Variants in MID1 observed in about 807,000 individuals in gnomAD.
MID1 encodes midline 1, also known as E3 ubiquitin-protein ligase Midline-1.
Under a neutral mutation model 40.4 loss-of-function variants are expected in MID1, and 7 were observed. The observed-to-expected ratio is 0.17, with a 90% CI of 0.10 to 0.33. MID1 has a LOEUF of 0.33. MID1 is among the 10% of genes least tolerant of loss of function. The pLI is 1.00. For missense variants in MID1, 367 were observed against 558.5 expected (o/e 0.66, Z 3.46); for synonymous variants, 229 against 221.2 (o/e 1.04, Z -0.31).
chrX:10,663,996 TG>T (rs199919187), intron 1 of MID1, among the ~76,000 whole-genome samples: 1,959 of 111,276 alleles, frequency 0.018, 41 homozygotes, highest in African/African-American at 0.061. Context: ...GAAATATGAA[TG>T]GACATTTATG....
At chrX:10,497,361 G>C (rs1931310420) in intron 3 of MID1, among the ~76,000 whole-genome samples, 1 of 111,926 alleles carries the variant, frequency 8.9e-6, no homozygotes, top group Non-Finnish European at 1.9e-5. Flanking sequence ...TTGTAAACCA[G>C]TTTTAGCAAG....
rs554295322 is a variant in MID1, at chrX:10,773,443, T to C, written c.-187+60111A>G. Among the ~76,000 whole-genome samples the C allele has an allele frequency of 4.5e-5, 5 of 112,296 alleles. No individual in the cohort carries two copies. The South Asian group carries it at 1.9e-3, about 42-fold the overall frequency. On this transcript the variant is annotated intron_variant, in intron 1 of 10. Coordinates refer to the MID1 transcript ENST00000380785. ...AAGAGCAGATTTAGTATTTTCCATT[T>C]TAGTGCTATAATTCTGTTAATGCAG... is the stretch of plus-strand genomic sequence containing the variant.
At chrX:10,767,535 G>A (rs986583657) in intron 1 of MID1, among the ~76,000 whole-genome samples, 2 of 111,234 alleles carry the variant, frequency 1.8e-5, no homozygotes, top group Admixed American at 9.6e-5. Context: ...TAGCCAGGAC[G>A]GTCTCAATCT....
intron 1 of MID1, among the ~76,000 whole-genome samples, chrX:10,725,393 A>T (rs1376593450): frequency 2.7e-5 from 3 of 112,291 alleles, no homozygotes; most frequent in Non-Finnish European, 5.6e-5. Flanking sequence ...GATATGATTT[A>T]AAAATTATAA....
chrX:10,473,506 A>G (rs1929827710), intron 6 of MID1, among the ~76,000 whole-genome samples: 1 of 112,166 alleles, frequency 8.9e-6, no homozygotes, highest in Admixed American at 9.5e-5. Context: ...TCTTCTGGGT[A>G]CAATGCTCCC....
At chrX:10,505,580 G>C in intron 3 of MID1, 1 of 753,861 alleles carries the variant, frequency 1.3e-6, no homozygotes, top group Non-Finnish European at 1.6e-6. Context: ...TAAAGTTTCT[G>C]AAAAGTAGCG....
At chrX:10,744,894 C>A (rs1302663564) in intron 1 of MID1, among the ~76,000 whole-genome samples, 1 of 111,874 alleles carries the variant, frequency 8.9e-6, no homozygotes, top group East Asian at 2.8e-4. Flanking sequence ...TGACTCAGAC[C>A]AGGCTGATCA....
At chrX:10,735,123 A>T (rs2147105496) in intron 1 of MID1, among the ~76,000 whole-genome samples, 1 of 111,863 alleles carries the variant, frequency 8.9e-6, no homozygotes, top group East Asian at 2.8e-4. Flanking sequence ...ATTTTTTGAG[A>T]TGGAGTTTCA....
At chrX:10,531,916 A>G (rs868664298) in intron 2 of MID1, among the ~76,000 whole-genome samples, 17 of 112,332 alleles carry the variant, frequency 1.5e-4, no homozygotes, top group African/African-American at 5.5e-4. Context: ...GAGAATGGAT[A>G]TCACATGAAG....
At chrX:10,595,480 G>A (rs1417434255) in intron 1 of MID1, among the ~76,000 whole-genome samples, 1 of 109,879 alleles carries the variant, frequency 9.1e-6, no homozygotes, top group Non-Finnish European at 1.9e-5. Context: ...ATTACTACAT[G>A]GAACAAACCT....
Position 10,828,394 on chromosome X carries a change from G to C in MID1, c.-187+5160C>G, listed in dbSNP as rs761613637. On this transcript the variant is annotated intron_variant, in intron 1 of 10. Transcript: ENST00000380785. ...AGACTGGGGTCTGAGGGTAATCTAG[G>C]GGGGCAAGTGGCTTTTACCAATGAA... Among the ~76,000 whole-genome samples, 4 of 111,731 alleles carry C rather than the reference G, an allele frequency of 3.6e-5. No individual in the cohort carries two copies. The South Asian group carries it at 1.5e-3, about 42-fold the overall frequency.
At chrX:10,620,166 T>C (rs1412080749) in intron 1 of MID1, 124 bp downstream of exon 1, 1 of 112,506 alleles carries the variant, frequency 8.9e-6, no homozygotes, top group Non-Finnish European at 1.9e-5. Context: ...GCCCCGTCTT[T>C]CCGCCAAACG....
chrX:10,668,109 T>C (rs2042961860), intron 1 of MID1, among the ~76,000 whole-genome samples: 1 of 111,827 alleles, frequency 8.9e-6, no homozygotes, highest in South Asian at 3.8e-4. Context: ...CATCATTCTG[T>C]GACCCACCCT....
At chrX:10,720,239 A>G (rs1180913418) in intron 1 of MID1, among the ~76,000 whole-genome samples, 1 of 112,000 alleles carries the variant, frequency 8.9e-6, no homozygotes, top group African/African-American at 3.2e-5. Context: ...AGCAAAAGAA[A>G]TTACCATCAG....
chrX:10,829,139 A>G (rs1037287023), intron 1 of MID1, among the ~76,000 whole-genome samples: 4 of 112,370 alleles, frequency 3.6e-5, no homozygotes, highest in African/African-American at 1.3e-4. Flanking sequence ...AAGGCAATAC[A>G]TGATGAGTGT....
At chrX:10,756,894 A>T (rs1225076096) in intron 1 of MID1, among the ~76,000 whole-genome samples, 2 of 111,627 alleles carry the variant, frequency 1.8e-5, no homozygotes, top group African/African-American at 6.5e-5. Context: ...CCCAAGTTGC[A>T]TTGCCATGTT....
At chrX:10,501,281 A>G (rs1931528466) in intron 3 of MID1, 1 of 635,723 alleles carries the variant, frequency 1.6e-6, no homozygotes, top group Non-Finnish European at 2.4e-6. Flanking sequence ...AGGCTCCTCA[A>G]TACTATGGTT....
At chrX:10,514,507 T>C (rs1199949445) in intron 3 of MID1, among the ~76,000 whole-genome samples, 2 of 112,340 alleles carry the variant, frequency 1.8e-5, no homozygotes, top group East Asian at 5.6e-4. Flanking sequence ...TTCAAGTATG[T>C]GTTAGATACT....
chrX:10,626,118 T>C (rs191936889), intron 1 of MID1, among the ~76,000 whole-genome samples: 40 of 110,691 alleles, frequency 3.6e-4, no homozygotes, highest in African/African-American at 1.3e-3. Flanking sequence ...AAAGGAAGCA[T>C]TGTTATAGAA....
Sources: allele counts gnomAD v4.1 joint callset (sites outside exome capture counted in the v4.1 genomes callset), GRCh38; gene constraint gnomAD v4.1.1; transcripts MANE v1.5; gene names NCBI Gene and HGNC (gene_info 2026-07-23, HGNC 2026-07-21).